The following STAT4 variants were observed in gnomAD, a reference collection of about 807,000 sequenced individuals.
STAT4 encodes signal transducer and activator of transcription 4.
In STAT4, 42 loss-of-function variants were observed where a neutral mutation model predicts 110.5. The observed-to-expected ratio is 0.38, with a 90% CI of 0.30 to 0.49. The LOEUF is 0.49. STAT4 is among the 20% of genes least tolerant of loss of function. The probability of loss-of-function intolerance (pLI) is 0.95; values close to 1 mark genes in which losing one functional copy is unlikely to be tolerated. For synonymous variants in STAT4, 284 were observed against 302.2 expected (o/e 0.94, Z 0.63); for missense variants, 632 against 887.9 (o/e 0.71, Z 3.66).
At chr2:191,122,727 C>A (rs1698772005) in intron 3 of STAT4, among the ~76,000 whole-genome samples, 1 of 152,304 alleles carries the variant, frequency 6.6e-6, no homozygotes, top group South Asian at 2.1e-4. Context: ...GGATAAATCT[C>A]ATAACACAGA....
chr2:191,133,083 T>C (rs954113903), intron 3 of STAT4, among the ~76,000 whole-genome samples: 25 of 151,310 alleles, frequency 1.7e-4, no homozygotes, highest in Admixed American at 1.4e-3. Flanking sequence ...TTAACTTGAG[T>C]GGAATTTCTT....
At position 191,061,635 on chromosome 2, in the gene STAT4, C is replaced by T; in HGVS notation, c.1034+94G>A. ...CAGCAGATGGTTCAATAAAGAACAG[C>T]TGAATGCAAGCCACAATGAGAGAAA... On this transcript the variant is annotated intron_variant, in intron 10 of 23. Transcript: ENST00000392320. The surrounding 1 kb of genome is among the most constrained non-coding windows in gnomAD (Gnocchi z 6.2). 8.5e-7 allele frequency: 1 copy of T among 1,174,248 alleles called. No homozygotes were observed. The allele number at this position is 1,174,248 out of a possible 1,614,324, so 72.7% of individuals were successfully genotyped here.
In STAT4 at chr2:191,058,729, C is replaced by T; in HGVS notation, c.1075G>A (p.Val359Ile). 6.3e-7 allele frequency: 1 copy of T among 1,593,580 alleles called. No homozygotes were observed. The change falls in exon 11 of 24, where the codon GTT becomes ATT. Residue 359 changes from valine (V) to isoleucine (I), a missense_variant. Transcript: ENST00000392320. The surrounding 1 kb of genome is among the most constrained non-coding windows in gnomAD (Gnocchi z 4.3). ...KLPELNYQVK[V>I]KASIDKNVST... ...ACTTACTTGTCAATTGATGCCTTAA[C>T]CTTTACCTGATAGTTTAGTTCTGGC... is the stretch of plus-strand genomic sequence containing the variant.
Position 191,146,714 on chromosome 2 carries a change from G to C in STAT4, c.172C>G (p.Gln58Glu), listed in dbSNP as rs1284825965. ...TCATCCAGTTGTATTAACAAGTTTTGAAGAAGAATCGTTGCCATGGTTTCA... is the reference window on the plus strand; with the variant it reads ...TCATCCAGTTGTATTAACAAGTTTTCAAGAAGAATCGTTGCCATGGTTTCA... Reference protein sequence around the residue: ...NNETMATILLQNLLIQLDEQL... With the variant: ...NNETMATILLENLLIQLDEQL... The change falls in exon 3 of 24, where the codon CAA becomes GAA. Residue 58 changes from glutamine to glutamate, a missense_variant. Gln to Glu is a conservative substitution (Grantham distance 29). Around this residue, in one of 4 missense-constraint regions of STAT4, gnomAD observed 488 missense variants for 632.8 expected, o/e 0.77. Coordinates refer to ENST00000392320, the MANE Select transcript of STAT4 (RefSeq NM_003151.4). This position sits in a 1 kb window ranked among gnomAD's most constrained non-coding sequence, Gnocchi z 4.5. 1 of 1,582,056 alleles carries C rather than the reference G, an allele frequency of 6.3e-7. No individual in the cohort carries two copies. Among genetic ancestry groups the C allele is most frequent in the Non-Finnish European group, 8.6e-7 (1 of 1,165,804 alleles).
chr2:191,032,735 G>A lies in STAT4; in HGVS notation c.2044+223C>T, dbSNP rs564565652. On this transcript the variant is annotated intron_variant, in intron 21 of 23. Coordinates refer to ENST00000392320, the MANE Select transcript of STAT4 (RefSeq NM_003151.4). The surrounding 1 kb of genome is among the most constrained non-coding windows in gnomAD (Gnocchi z 4.9). ...GCCCCCATGGCCATGGTGAAGTTTAGTTACAGCTGCTTATTACTCGCTAGT... is the reference window on the plus strand; with the variant it reads ...GCCCCCATGGCCATGGTGAAGTTTAATTACAGCTGCTTATTACTCGCTAGT... 11 of 505,220 alleles carry A rather than the reference G, an allele frequency of 2.2e-5. No homozygotes were observed. Among genetic ancestry groups the A allele is most frequent in the African/African-American group, 1.2e-4 (6 of 50,528 alleles). 31.3% of individuals were successfully genotyped at this position (505,220 alleles called of 1,614,324 possible). A position where few individuals can be genotyped will look rare whatever the true frequency, so the allele number is the denominator to read the frequency against.
chr2:191,051,132 C>T lies in STAT4; in HGVS notation c.1251+3358G>A, dbSNP rs1214011630. On this transcript the variant is annotated intron_variant, in intron 14 of 23. Coordinates refer to ENST00000392320, the MANE Select transcript of STAT4 (RefSeq NM_003151.4). This position sits in a 1 kb window ranked among gnomAD's most constrained non-coding sequence, Gnocchi z 5.6. ...ATAAAGGGGCATACACAAATGGTGACCTGAGGTTTCAAGGAACTGGAGCTG... is the reference window on the plus strand; with the variant it reads ...ATAAAGGGGCATACACAAATGGTGATCTGAGGTTTCAAGGAACTGGAGCTG... 6.6e-6 allele frequency among the ~76,000 whole-genome samples: 1 copy of T among 152,076 alleles called. No individual in the cohort carries two copies. The highest frequency in any genetic ancestry group is 1.5e-5 in the Non-Finnish European group (1 of 68,018).
At chr2:191,084,140 TAA>T (rs1697565208) in intron 3 of STAT4, among the ~76,000 whole-genome samples, 2 of 151,946 alleles carry the variant, frequency 1.3e-5, no homozygotes, top group South Asian at 4.2e-4. Flanking sequence ...TGCGTGACTG[TAA>T]TCCCAGCTAC....
At position 191,042,890 on chromosome 2, in the gene STAT4, C is replaced by T. The variant is rs1574702041; in HGVS notation, c.1252-1742G>A. Among the ~76,000 whole-genome samples, 3 of 152,196 alleles carry T rather than the reference C, an allele frequency of 2.0e-5. No individual in the cohort carries two copies. In the South Asian group the frequency reaches 6.2e-4, roughly 32 times the overall value. ...CGCCTCCTGGGTCCAAGTGATTCTCCTGCCTCAGCCTTCTGAGTAGCTGGG... is the reference window on the plus strand; with the variant it reads ...CGCCTCCTGGGTCCAAGTGATTCTCTTGCCTCAGCCTTCTGAGTAGCTGGG... On this transcript the variant is annotated intron_variant, in intron 14 of 23. Coordinates refer to ENST00000392320, the MANE Select transcript of STAT4 (RefSeq NM_003151.4). The surrounding 1 kb of genome is among the most constrained non-coding windows in gnomAD (Gnocchi z 4.2).
chr2:191,146,446 T>G lies in STAT4; in HGVS notation c.273+167A>C, dbSNP rs1699461925. ...AGTGTATTTTATTTTCAACATTTCA[T>G]GAAAAATGTTAGGTAATAAAATTGA... is the stretch of plus-strand genomic sequence containing the variant. On this transcript the variant is annotated intron_variant, in intron 3 of 23. Transcript: ENST00000392320. This position sits in a 1 kb window ranked among gnomAD's most constrained non-coding sequence, Gnocchi z 4.5. 6.6e-6 allele frequency among the ~76,000 whole-genome samples: 1 copy of G among 152,150 alleles called. No homozygotes were observed. The highest frequency in any genetic ancestry group is 1.5e-5 in the Non-Finnish European group (1 of 68,020).
At position 191,031,020 on chromosome 2, in the gene STAT4, C is replaced by T. The variant is rs1301751349; in HGVS notation, c.2172G>A (p.Val724=). Residue 724 remains valine, a synonymous_variant, in exon 23 of 24, where the codon GTG becomes GTA. Coordinates refer to ENST00000392320, the MANE Select transcript of STAT4 (RefSeq NM_003151.4). The surrounding 1 kb of genome is among the most constrained non-coding windows in gnomAD (Gnocchi z 4.8). The stretch of plus-strand genomic sequence containing the variant: ...TCAGGTTTTCTCTCAACACCGCATA[C>T]ACACTTGGAGACATGGGAAGAAGGT... ...PSDLLPMSPS[V]YAVLRENLSP... is the part of the protein sequence containing the mutation. The T allele has an allele frequency of 1.2e-6, 2 of 1,613,894 alleles. No homozygotes were observed. Among genetic ancestry groups the T allele is most frequent in the African/African-American group, 2.7e-5 (2 of 74,922 alleles).
intron 3 of STAT4, among the ~76,000 whole-genome samples, chr2:191,095,834 G>GT (rs1483510653): frequency 4.6e-5 from 7 of 152,218 alleles, no homozygotes; most frequent in African/African-American, 1.7e-4. Flanking sequence ...CCAGGAGCTG[G>GT]TTTTTTGAAA....
chr2:191,057,289 T>C (rs1424358817), intron 13 of STAT4, among the ~76,000 whole-genome samples: 2 of 152,232 alleles, frequency 1.3e-5, no homozygotes, highest in Non-Finnish European at 2.9e-5. Context: ...GCCTGGCTTA[T>C]TTCATTTAAC....
chr2:191,105,118 G>GT (rs1162026298), intron 3 of STAT4, among the ~76,000 whole-genome samples: 1 of 152,212 alleles, frequency 6.6e-6, no homozygotes, highest in African/African-American at 2.4e-5. Flanking sequence ...GTCTAACACT[G>GT]TGATAGATAA....
At chr2:191,045,604 G>C (rs1015760679) in intron 14 of STAT4, among the ~76,000 whole-genome samples, 38 of 152,218 alleles carry the variant, frequency 2.5e-4, no homozygotes, top group African/African-American at 8.9e-4. Flanking sequence ...GCATTACTAA[G>C]TCAGAATCCT....
intron 4 of STAT4, among the ~76,000 whole-genome samples, chr2:191,074,429 A>G (rs1313017957): frequency 6.6e-6 from 1 of 152,184 alleles, no homozygotes; most frequent in Non-Finnish European, 1.5e-5. Context: ...AGCCTCCATT[A>G]TTTGTCTACC....
chr2:191,137,409 A>G (rs577428772), intron 3 of STAT4, among the ~76,000 whole-genome samples: 2 of 152,350 alleles, frequency 1.3e-5, no homozygotes, highest in Admixed American at 6.5e-5. Flanking sequence ...AAGAATTAAT[A>G]TCATTAAAAT....
At chr2:191,068,338 C>T (rs1574725961) in intron 6 of STAT4, 2 of 152,072 alleles carry the variant, frequency 1.3e-5, no homozygotes. Flanking sequence ...TGTTCTAAAC[C>T]CTTTTAGGGT....
intron 3 of STAT4, among the ~76,000 whole-genome samples, chr2:191,092,205 AC>A (rs1697818067): frequency 6.6e-6 from 1 of 152,092 alleles, no homozygotes; most frequent in Non-Finnish European, 1.5e-5. Context: ...GGAGTTAGAG[AC>A]CAGTCTAACC....
intron 17 of STAT4, 39 bp from the exon 18 acceptor site, chr2:191,034,636 A>G (rs1316622935): frequency 2.8e-6 from 4 of 1,439,802 alleles, no homozygotes; most frequent in Non-Finnish European, 3.9e-6. Flanking sequence ...TCACTGGACA[A>G]TGAGATGCTT....
Sources: gnomAD v4.1 joint callset for allele counts (sites outside exome capture counted in the v4.1 genomes callset) on GRCh38, gnomAD v4.1.1 for gene constraint, gnomAD v4.1.1 regional missense constraint, Gnocchi (gnomAD v3.1) non-coding constraint, MANE v1.5 for transcripts, NCBI Gene and HGNC (gene_info 2026-07-23, HGNC 2026-07-21) for gene names.